Variants in ST8SIA6 observed in about 807,000 individuals in gnomAD.
ST8SIA6 encodes the protein ST8 alpha-N-acetyl-neuraminide alpha-2,8-sialyltransferase 6.
ST8SIA6 carries 39 observed loss-of-function variants against 33.6 expected under a neutral mutation model. The ratio of observed to expected loss-of-function variants is 1.16; its 90% CI spans 0.90 to 1.52. The LOEUF (loss-of-function observed/expected upper bound fraction) is 1.52, where lower values mean the gene tolerates loss of function less well. Among genes scored for constraint, ST8SIA6 ranks in the 40% most tolerant of loss-of-function variants. The probability of loss-of-function intolerance (pLI) is 0.00; values close to 1 mark genes in which losing one functional copy is unlikely to be tolerated. For synonymous variants in ST8SIA6, 172 were observed against 167.2 expected (o/e 1.03, Z -0.22); for missense variants, 441 against 443.8 (o/e 0.99, Z 0.06).
At chr10:17,342,888 G>T (rs1848721484) in intron 4 of ST8SIA6, among the ~76,000 whole-genome samples, 1 of 152,168 alleles carries the variant, frequency 6.6e-6, no homozygotes, top group African/African-American at 2.4e-5. Flanking sequence ...GACGGAGGCT[G>T]CAGTGAGCTG....
intron 3 of ST8SIA6, among the ~76,000 whole-genome samples, chr10:17,383,624 G>A (rs918794475): frequency 1.7e-4 from 26 of 152,030 alleles, no homozygotes; most frequent in African/African-American, 6.3e-4. Flanking sequence ...CTCTTTAGAG[G>A]GTGGTTTTAT....
At chr10:17,357,845 C>T (rs574848811) in intron 4 of ST8SIA6, among the ~76,000 whole-genome samples, 258 of 152,280 alleles carry the variant, frequency 1.7e-3, no homozygotes, top group Non-Finnish European at 3.0e-3. Context: ...GATTGATCCT[C>T]AATAGCTCAC....
At chr10:17,398,295 C>A (rs989533477) in intron 2 of ST8SIA6, among the ~76,000 whole-genome samples, 11 of 151,820 alleles carry the variant, frequency 7.2e-5, no homozygotes, top group Non-Finnish European at 1.5e-4. Flanking sequence ...CCATTGCACT[C>A]CAGCCTGGGT....
At chr10:17,327,598 A>AAAC (rs1176015095) in intron 5 of ST8SIA6, among the ~76,000 whole-genome samples, 4 of 149,932 alleles carry the variant, frequency 2.7e-5, no homozygotes, top group African/African-American at 4.9e-5. Context: ...AAACAAAACA[A>AAAC]AACAACAACA....
intron 2 of ST8SIA6, among the ~76,000 whole-genome samples, chr10:17,452,664 G>A (rs1852956587): frequency 1.3e-5 from 2 of 152,226 alleles, no homozygotes; most frequent in South Asian, 4.1e-4. Flanking sequence ...TAGAATTACT[G>A]ATGGCAAACA....
In ST8SIA6 at chr10:17,406,889, T is replaced by C. The variant is rs550722146; in HGVS notation, c.201-16269A>G. Among the ~76,000 whole-genome samples the C allele has an allele frequency of 1.1e-4, 17 of 150,992 alleles. No homozygotes were observed. In the South Asian group the frequency reaches 3.6e-3, roughly 32 times the overall value. On this transcript the variant is annotated intron_variant, in intron 2 of 7. Transcript: ENST00000377602. ...AGCTCACCAAAACCTCCGCCTCCCG[T>C]GTTCAAGTGATTCTCCCCCATCAGC...
In ST8SIA6 at chr10:17,426,066, G is replaced by A. The variant is rs899213312; in HGVS notation, c.200+27493C>T. Among the ~76,000 whole-genome samples, 14 of 152,168 alleles carry A rather than the reference G, an allele frequency of 9.2e-5. No homozygotes were observed. The East Asian group carries it at 2.3e-3, about 25-fold the overall frequency. On this transcript the variant is annotated intron_variant, in intron 2 of 7. Transcript: ENST00000377602. ...TGCCACCCCATAGCATTATTCAAAC[G>A]AGACAGTCACATCCTCCCACAGGCA...
At chr10:17,331,066 T>A (rs1848284415) in intron 5 of ST8SIA6, among the ~76,000 whole-genome samples, 1 of 152,202 alleles carries the variant, frequency 6.6e-6, no homozygotes, top group Admixed American at 6.5e-5. Flanking sequence ...TTAGTCACCA[T>A]AACTGACAAT....
chr10:17,453,496 C>G, intron 2 of ST8SIA6, 63 bp downstream of exon 2: 1 of 1,212,524 alleles, frequency 8.2e-7, no homozygotes, highest in Non-Finnish European at 1.0e-6. Context: ...CCGGTGCAGC[C>G]GCGCCCCATG....
chr10:17,436,761 C>T (rs903738155), intron 2 of ST8SIA6, among the ~76,000 whole-genome samples: 7 of 151,878 alleles, frequency 4.6e-5, no homozygotes, highest in Middle Eastern at 3.4e-3. Context: ...TTTTCTTAAT[C>T]CAGTCTATCA....
chr10:17,430,934 G>T (rs1402513855), intron 2 of ST8SIA6, among the ~76,000 whole-genome samples: 1 of 152,086 alleles, frequency 6.6e-6, no homozygotes, highest in African/African-American at 2.4e-5. Context: ...GCAGACAGTG[G>T]CCCAAAGCCA....
At chr10:17,380,851 G>A (rs1385572764) in intron 3 of ST8SIA6, among the ~76,000 whole-genome samples, 2 of 86,060 alleles carry the variant, frequency 2.3e-5, no homozygotes, top group African/African-American at 4.2e-5. Flanking sequence ...ACGTTTGTGT[G>A]TTTGTGTGTA....
At chr10:17,383,823 T>C (rs922669993) in intron 3 of ST8SIA6, among the ~76,000 whole-genome samples, 1 of 152,228 alleles carries the variant, frequency 6.6e-6, no homozygotes, top group African/African-American at 2.4e-5. Flanking sequence ...CTTAAAATGT[T>C]TACTGATCCT....
chr10:17,328,161 TA>T (rs755851936), intron 5 of ST8SIA6, among the ~76,000 whole-genome samples: 2 of 152,184 alleles, frequency 1.3e-5, no homozygotes, highest in African/African-American at 2.4e-5. Context: ...GAAGCAGCAT[TA>T]AATCTATTCT....
chr10:17,327,982 G>C (rs1358936089), intron 5 of ST8SIA6, among the ~76,000 whole-genome samples: 1 of 152,060 alleles, frequency 6.6e-6, no homozygotes, highest in Non-Finnish European at 1.5e-5. Context: ...TTTCTCTTGA[G>C]AGAAATAGAC....
At chr10:17,351,426 A>G (rs1373563800) in intron 4 of ST8SIA6, among the ~76,000 whole-genome samples, 2 of 150,100 alleles carry the variant, frequency 1.3e-5, no homozygotes, top group Non-Finnish European at 3.0e-5. Flanking sequence ...AAATTTTAGT[A>G]CTGTAACCAG....
At chr10:17,391,105 G>A (rs1203951387) in intron 2 of ST8SIA6, among the ~76,000 whole-genome samples, 3 of 152,178 alleles carry the variant, frequency 2.0e-5, no homozygotes, top group East Asian at 1.9e-4. Context: ...TGATCCATCC[G>A]CATCAGCCTC....
chr10:17,333,717 A>ATATATAGATATATATATATATTTTTTTTT (rs1251981910), intron 4 of ST8SIA6, among the ~76,000 whole-genome samples: 3 of 33,754 alleles, frequency 8.9e-5, no homozygotes, highest in African/African-American at 5.2e-4. Flanking sequence ...ATATATATAT[A>ATATATAGATATATATATATATTTTTTTTT]TTTTTTTTTT....
rs1564397392 is a variant in ST8SIA6 at position 17,321,250 on chromosome 10, G to A, written c.825C>T (p.Ala275=). 1.7e-5 allele frequency: 27 copies of A among 1,613,930 alleles called. No homozygotes were observed. Among genetic ancestry groups the A allele is most frequent in the Non-Finnish European group, 2.3e-5 (27 of 1,179,920 alleles). Residue 275 remains alanine (A), a synonymous_variant, in exon 8 of 8, where the codon GCC becomes GCT. Coordinates refer to ENST00000377602, the MANE Select transcript of ST8SIA6 (RefSeq NM_001004470.3). ...ATACTTTGAAAGAGGTACCCGTGTT[G>A]GCCCTGAAGGAAAATGCTGGCAGAA... The part of the protein sequence containing the change: ...FFLLPAFSFR[A]NTGTSFKVYY...
Sources: allele counts gnomAD v4.1 joint callset (sites outside exome capture counted in the v4.1 genomes callset), GRCh38; gene constraint gnomAD v4.1.1; transcripts MANE v1.5; gene names NCBI Gene and HGNC (gene_info 2026-07-23, HGNC 2026-07-21).